Variants in NKAIN2 observed in about 807,000 individuals in gnomAD.
NKAIN2 encodes the protein sodium/potassium-transporting ATPase subunit beta-1-interacting protein 2.
Under a neutral mutation model 32.6 loss-of-function variants are expected in NKAIN2, and 14 were observed. The ratio of observed to expected loss-of-function variants is 0.43; its 90% CI spans 0.28 to 0.67. The LOEUF (loss-of-function observed/expected upper bound fraction) is 0.67, where lower values mean the gene tolerates loss of function less well. NKAIN2 is among the 30% of genes least tolerant of loss of function. The probability of loss-of-function intolerance (pLI) is 0.17; values close to 1 mark genes in which losing one functional copy is unlikely to be tolerated. For missense variants in NKAIN2, 198 were observed against 258.3 expected (o/e 0.77, Z 1.60); for synonymous variants, 80 against 87.2 (o/e 0.92, Z 0.46).
intron 2 of NKAIN2, among the ~76,000 whole-genome samples, chr6:124,326,677 CTCTATACT>C (rs1440728119): frequency 5.3e-4 from 81 of 152,154 alleles, no homozygotes; most frequent in Non-Finnish European, 2.9e-5. Context: ...CAGGGTACTG[CTCTATACT>C]TCTAGATAGT....
At chr6:124,569,180 A>G (rs78119819) in intron 3 of NKAIN2, among the ~76,000 whole-genome samples, 2,440 of 152,244 alleles carry the variant, frequency 0.016, 69 homozygotes, top group African/African-American at 0.056. Flanking sequence ...CAAGTCTTAA[A>G]TTGGCCTTCT....
At chr6:124,615,254 A>C (rs988336502) in intron 3 of NKAIN2, among the ~76,000 whole-genome samples, 3 of 152,210 alleles carry the variant, frequency 2.0e-5, no homozygotes, top group Non-Finnish European at 2.9e-5. Context: ...TACAAGCCTC[A>C]AAACACAATT....
At chr6:124,159,076 G>C (rs1206966903) in intron 1 of NKAIN2, among the ~76,000 whole-genome samples, 3 of 152,124 alleles carry the variant, frequency 2.0e-5, no homozygotes, top group Non-Finnish European at 1.5e-5. Flanking sequence ...GGATATGGTA[G>C]ACTGTCTTTT....
intron 1 of NKAIN2, among the ~76,000 whole-genome samples, chr6:124,217,444 AGTCT>A (rs934365883): frequency 3.3e-5 from 5 of 152,084 alleles, no homozygotes; most frequent in African/African-American, 1.2e-4. Flanking sequence ...GAAAAAAAAA[AGTCT>A]TTCAGGGGGT....
At chr6:124,658,928 A>G (rs528805769) in intron 4 of NKAIN2, 2 of 148,106 alleles carry the variant, frequency 1.4e-5, no homozygotes, top group East Asian at 4.1e-4. Flanking sequence ...TAAGACATTC[A>G]TGCCCCCATT....
chr6:123,987,029 G>GT (rs1490691576), intron 1 of NKAIN2, among the ~76,000 whole-genome samples: 2 of 152,150 alleles, frequency 1.3e-5, no homozygotes, highest in African/African-American at 4.8e-5. Context: ...ACGGCTCTCA[G>GT]TTTTCTCATG....
chr6:124,122,567 A>C (rs1005178561), intron 1 of NKAIN2, among the ~76,000 whole-genome samples: 2 of 152,142 alleles, frequency 1.3e-5, no homozygotes, highest in African/African-American at 4.8e-5. Context: ...CTGTATTACC[A>C]TGAGCTCAGG....
At chr6:124,701,347 CTTTG>C (rs1334626257) in intron 4 of NKAIN2, among the ~76,000 whole-genome samples, 3 of 151,558 alleles carry the variant, frequency 2.0e-5, no homozygotes, top group East Asian at 1.9e-4. Context: ...TGGTGACTTT[CTTTG>C]TTTGAGCTGC....
chr6:124,039,352 A>C (rs1781757676), intron 1 of NKAIN2, among the ~76,000 whole-genome samples: 1 of 151,942 alleles, frequency 6.6e-6, no homozygotes, highest in South Asian at 2.1e-4. Context: ...TTAGAATTAC[A>C]AAATAAACAA....
chr6:124,089,697 T>C (rs946035832), intron 1 of NKAIN2, among the ~76,000 whole-genome samples: 39 of 152,000 alleles, frequency 2.6e-4, no homozygotes, highest in Admixed American at 2.3e-3. Context: ...GATTGTTCAT[T>C]TGTCTGGATT....
intron 1 of NKAIN2, among the ~76,000 whole-genome samples, chr6:124,196,765 TA>T (rs1790335563): frequency 6.6e-6 from 1 of 152,062 alleles, no homozygotes; most frequent in South Asian, 2.1e-4. Context: ...CAGTGTCTAA[TA>T]TAAAACATAA....
At chr6:123,858,495 A>G (rs1455150064) in intron 1 of NKAIN2, among the ~76,000 whole-genome samples, 2 of 152,166 alleles carry the variant, frequency 1.3e-5, no homozygotes, top group Non-Finnish European at 2.9e-5. Context: ...GGGAAAAATA[A>G]TTTTTCCAAA....
intron 5 of NKAIN2, among the ~76,000 whole-genome samples, chr6:124,802,944 GT>G (rs1780332251): frequency 6.6e-6 from 1 of 152,096 alleles, no homozygotes. Flanking sequence ...CACATCACTT[GT>G]GCTTAGACTT....
intron 1 of NKAIN2, among the ~76,000 whole-genome samples, chr6:124,252,022 C>T (rs1211204530): frequency 6.6e-6 from 1 of 151,458 alleles, no homozygotes; most frequent in Non-Finnish European, 1.5e-5. Flanking sequence ...CACTATGTAC[C>T]CCATGAATAT....
intron 1 of NKAIN2, among the ~76,000 whole-genome samples, chr6:124,053,899 A>G (rs530325432): frequency 1.3e-5 from 2 of 152,160 alleles, no homozygotes; most frequent in South Asian, 4.1e-4. Context: ...GGTCCCTGAG[A>G]CTGGTGAGAA....
At chr6:124,292,354 T>C (rs1795853187) in intron 2 of NKAIN2, among the ~76,000 whole-genome samples, 1 of 152,170 alleles carries the variant, frequency 6.6e-6, no homozygotes, top group African/African-American at 2.4e-5. Context: ...TTTGTCTTCC[T>C]CTTCAGGCAA....
At chr6:124,302,673 A>G (rs1421040447) in intron 2 of NKAIN2, among the ~76,000 whole-genome samples, 1 of 152,168 alleles carries the variant, frequency 6.6e-6, no homozygotes, top group Non-Finnish European at 1.5e-5. Context: ...GCACTTTGGT[A>G]TGTAAAAGGT....
intron 4 of NKAIN2, among the ~76,000 whole-genome samples, chr6:124,783,240 CT>C (rs1779352742): frequency 6.6e-6 from 1 of 152,142 alleles, no homozygotes. Context: ...ACTAGGATAA[CT>C]TTTTGATAAG....
At chr6:124,467,168 C>A (rs1229882200) in intron 3 of NKAIN2, among the ~76,000 whole-genome samples, 1 of 152,002 alleles carries the variant, frequency 6.6e-6, no homozygotes, top group African/African-American at 2.4e-5. Context: ...GATCCCAGAC[C>A]ACTATGGAAA....
Sources: gnomAD v4.1 joint callset for allele counts (sites outside exome capture counted in the v4.1 genomes callset) on GRCh38, gnomAD v4.1.1 for gene constraint, MANE v1.5 for transcripts, NCBI Gene and HGNC (gene_info 2026-07-23, HGNC 2026-07-21) for gene names.